Variants in PTPRD observed in about 807,000 individuals in gnomAD.
PTPRD encodes protein tyrosine phosphatase receptor type D.
In PTPRD, 34 loss-of-function variants were observed where a neutral mutation model predicts 214.5. That is an observed-to-expected ratio of 0.16 (90% CI 0.12 to 0.21). The LOEUF is 0.21. Ranked by LOEUF, PTPRD falls within the 10% of genes least tolerant of loss-of-function variation. The pLI is 1.00. For missense variants in PTPRD, 2,545 were observed against 2,398.7 expected (o/e 1.06, Z -1.27); for synonymous variants, 1,128 against 845.7 (o/e 1.33, Z -5.79).
intron 3 of PTPRD, among the ~76,000 whole-genome samples, chr9:10,284,722 G>C (rs2095282386): frequency 1.3e-5 from 2 of 152,066 alleles, no homozygotes. Flanking sequence ...GTTGTCACCA[G>C]GATTCATTTC....
In PTPRD at chr9:10,438,008, C is replaced by CATATATATATATATATATATATATATAT. The variant is rs71485332; in HGVS notation, c.-599-96992_-599-96991insATATATATATATATATATATATATATAT. 2.9e-4 allele frequency among the ~76,000 whole-genome samples: 36 copies of CATATATATATATATATATATATATATAT among 125,140 alleles called. 1 individual carries two copies. The highest frequency in any genetic ancestry group is 1.3e-3 in the African/African-American group (35 of 25,986). The allele number at this position is 125,140 out of a possible 152,430, so 82.1% of individuals were successfully genotyped here. ...CTGGACTATCAGCTCCCTAAGTCTA[C>CATATATATATATATATATATATATATAT]ATATATATATATATATATATAGTGA... On this transcript the variant is annotated intron_variant, in intron 2 of 45. Coordinates refer to ENST00000381196, the MANE Select transcript of PTPRD (RefSeq NM_002839.4).
chr9:9,735,165 A>G (rs2098271260), intron 6 of PTPRD, among the ~76,000 whole-genome samples: 1 of 152,158 alleles, frequency 6.6e-6, no homozygotes, highest in Non-Finnish European at 1.5e-5. Context: ...TCTGAACAGC[A>G]CAAATTCCCA....
intron 5 of PTPRD, among the ~76,000 whole-genome samples, chr9:9,769,658 T>C (rs2098736223): frequency 6.6e-6 from 1 of 151,966 alleles, no homozygotes; most frequent in South Asian, 2.1e-4. Flanking sequence ...TGTGCAGAAC[T>C]TGCAGGTTTG....
At chr9:9,100,773 G>C (rs779984620) in intron 10 of PTPRD, among the ~76,000 whole-genome samples, 13 of 151,980 alleles carry the variant, frequency 8.6e-5, no homozygotes, top group Non-Finnish European at 1.2e-4. Flanking sequence ...CTTAGTATTA[G>C]AATCTAGATA....
chr9:8,582,852 G>C (rs749080674), intron 14 of PTPRD, among the ~76,000 whole-genome samples: 2 of 151,962 alleles, frequency 1.3e-5, no homozygotes, highest in African/African-American at 2.4e-5. Context: ...GCTTTGTTTT[G>C]TTTTTTGCTA....
chr9:8,397,171 G>A (rs1177412769), intron 36 of PTPRD, among the ~76,000 whole-genome samples: 1 of 151,996 alleles, frequency 6.6e-6, no homozygotes, highest in Non-Finnish European at 1.5e-5. Context: ...ATTTCCTTTA[G>A]TACCTTAAAT....
At chr9:9,782,762 C>G (rs2098863990) in intron 5 of PTPRD, among the ~76,000 whole-genome samples, 1 of 152,088 alleles carries the variant, frequency 6.6e-6, no homozygotes, top group African/African-American at 2.4e-5. Context: ...AATAAAACTC[C>G]AGTGTATAAC....
At chr9:9,908,260 A>G (rs1057083493) in intron 5 of PTPRD, among the ~76,000 whole-genome samples, 2 of 152,028 alleles carry the variant, frequency 1.3e-5, no homozygotes, top group African/African-American at 2.4e-5. Flanking sequence ...CTATGCTGGC[A>G]GTGATTGCTG....
intron 14 of PTPRD, among the ~76,000 whole-genome samples, chr9:8,598,520 A>G (rs1350722121): frequency 1.3e-5 from 2 of 152,194 alleles, no homozygotes; most frequent in Non-Finnish European, 2.9e-5. Context: ...AAAAGTATCA[A>G]AGTACTGAAA....
At chr9:9,977,598 T>G (rs1252552146) in intron 4 of PTPRD, among the ~76,000 whole-genome samples, 1 of 152,130 alleles carries the variant, frequency 6.6e-6, no homozygotes, top group Non-Finnish European at 1.5e-5. Flanking sequence ...ATATAACAAC[T>G]TGGCTTAAAA....
intron 2 of PTPRD, among the ~76,000 whole-genome samples, chr9:10,524,457 T>C (rs1465738957): frequency 6.6e-6 from 1 of 151,680 alleles, no homozygotes; most frequent in Non-Finnish European, 1.5e-5. Flanking sequence ...TATAACTTAA[T>C]AAAATAGGAA....
At chr9:9,903,220 T>A (rs2076805119) in intron 5 of PTPRD, among the ~76,000 whole-genome samples, 1 of 152,168 alleles carries the variant, frequency 6.6e-6, no homozygotes. Flanking sequence ...TGAATGCATT[T>A]GCTTCACTTT....
At chr9:10,145,036 C>A (rs187713028) in intron 3 of PTPRD, among the ~76,000 whole-genome samples, 6 of 152,010 alleles carry the variant, frequency 3.9e-5, no homozygotes, top group Admixed American at 3.3e-4. Context: ...AATAAACACA[C>A]CGATTTTTCA....
At chr9:9,900,133 C>A (rs999487797) in intron 5 of PTPRD, among the ~76,000 whole-genome samples, 4 of 152,192 alleles carry the variant, frequency 2.6e-5, no homozygotes, top group African/African-American at 9.6e-5. Flanking sequence ...GCATTAAGTT[C>A]TTCCCTGAAA....
At chr9:8,383,996 CAG>C (rs2135390977) in intron 37 of PTPRD, among the ~76,000 whole-genome samples, 1 of 152,096 alleles carries the variant, frequency 6.6e-6, no homozygotes, top group Non-Finnish European at 1.5e-5. Context: ...AGATGGGAGA[CAG>C]AGTAGGAGAG....
intron 2 of PTPRD, among the ~76,000 whole-genome samples, chr9:10,447,283 T>C (rs1270955420): frequency 6.6e-6 from 1 of 151,998 alleles, no homozygotes; most frequent in African/African-American, 2.4e-5. Context: ...TGCAGAGAAA[T>C]AATTGTCATG....
chr9:9,858,068 C>T (rs752390243), intron 5 of PTPRD, among the ~76,000 whole-genome samples: 7 of 152,102 alleles, frequency 4.6e-5, no homozygotes, highest in Non-Finnish European at 1.0e-4. Context: ...TACTCTTTTC[C>T]TTTAACCAGA....
At chr9:8,753,362 T>C (rs2093699584) in intron 11 of PTPRD, among the ~76,000 whole-genome samples, 2 of 152,190 alleles carry the variant, frequency 1.3e-5, no homozygotes. Context: ...GTTAGCATAA[T>C]TTTAGATGCT....
intron 10 of PTPRD, among the ~76,000 whole-genome samples, chr9:9,162,025 A>AT: frequency 6.6e-6 from 1 of 152,212 alleles, no homozygotes; most frequent in East Asian, 1.9e-4. Context: ...GGGATTCAGC[A>AT]TTTTCAAAGA....
Sources: gnomAD v4.1 joint callset for allele counts (sites outside exome capture counted in the v4.1 genomes callset) on GRCh38, gnomAD v4.1.1 for gene constraint, MANE v1.5 for transcripts, NCBI Gene and HGNC (gene_info 2026-07-23, HGNC 2026-07-21) for gene names.